Variants in MYO6 observed in about 807,000 individuals in gnomAD.
The protein encoded by MYO6 is myosin VI, also known as unconventional myosin-VI.
In MYO6, 74 loss-of-function variants were observed where a neutral mutation model predicts 178.7. The observed-to-expected ratio is 0.41, with a 90% CI of 0.34 to 0.50. The LOEUF is 0.50. MYO6 is among the 20% of genes least tolerant of loss of function. The probability of loss-of-function intolerance (pLI) is 0.09; values close to 1 mark genes in which losing one functional copy is unlikely to be tolerated. For missense variants in MYO6, 1,330 were observed against 1,547.4 expected, an observed-to-expected ratio of 0.86 and a Z score of 2.36; for synonymous variants, 477 against 504.6, an observed-to-expected ratio of 0.95 and a Z score of 0.73.
At chr6:75,840,559 T>G (rs1583242404) in intron 7 of MYO6, 26 bp from the exon 8 acceptor site, 2 of 1,496,184 alleles carry the variant, frequency 1.3e-6, no homozygotes, top group South Asian at 1.1e-5. Context: ...GCTAATTTTT[T>G]GATGGATTTT....
At chr6:75,847,585 G>T (rs1223105209) in intron 10 of MYO6, among the ~76,000 whole-genome samples, 1 of 151,896 alleles carries the variant, frequency 6.6e-6, no homozygotes, top group African/African-American at 2.4e-5. Context: ...TTTTAGGAGA[G>T]AAAACAAATT....
rs143864052 is a variant in MYO6, at chr6:75,907,626, C to T, written c.3198C>T (p.Thr1066=). ...ACAGAGGTCCTGCTGTACTAGCCAC[C>T]AAAGCAGCTGCTGGTACTAAGAAAT... ...FLSRGPAVLA[T]KAAAGTKKYD... is the part of the protein sequence containing the mutation. Residue 1066 remains threonine, a synonymous_variant, in exon 31 of 35, where the codon ACC becomes ACT. Coordinates refer to ENST00000369977, the MANE Select transcript of MYO6 (RefSeq NM_004999.4). The T allele has an allele frequency of 2.5e-5, 41 of 1,613,460 alleles. No individual in the cohort carries two copies. Among genetic ancestry groups the T allele is most frequent in the Non-Finnish European group, 3.3e-5 (39 of 1,179,702 alleles).
Position 75,866,966 on chromosome 6 carries a change from A to G in MYO6, c.1805A>G (p.His602Arg), listed in dbSNP as rs954992244. The G allele has an allele frequency of 2.5e-6, 4 of 1,614,024 alleles. No individual in the cohort carries two copies. The highest frequency in any genetic ancestry group is 3.3e-4 in the Middle Eastern group (2 of 6,056). Residue 602 changes from histidine to arginine, a missense_variant, in exon 18 of 35, where the codon CAT becomes CGT. Physicochemically the swap from His to Arg is conservative, Grantham distance 29. This residue lies in a region of MYO6 where 613 missense variants were observed against 816.8 expected (regional missense o/e 0.75). Coordinates refer to ENST00000369977, the MANE Select transcript of MYO6 (RefSeq NM_004999.4). ...GTGGAGAAAAATAATGATGCTTTAC[A>G]TATGTCTCTTGAATCCTTAATATGT... ...QFVEKNNDAL[H>R]MSLESLICES...
chr6:75,799,187 C>T (rs528173088), intron 1 of MYO6, among the ~76,000 whole-genome samples: 44 of 151,972 alleles, frequency 2.9e-4, no homozygotes, highest in African/African-American at 9.6e-4. Context: ...TCAGGAGTTC[C>T]GAGACCAGCC....
intron 1 of MYO6, among the ~76,000 whole-genome samples, chr6:75,801,586 T>C (rs1769460472): frequency 1.3e-5 from 2 of 152,174 alleles, no homozygotes. Flanking sequence ...AGTAGAATAC[T>C]GTCTTCAAAG....
Position 75,841,998 on chromosome 6 carries a change from T to G in MYO6, c.816+620T>G, listed in dbSNP as rs1774276803. Among the ~76,000 whole-genome samples, 3 of 152,332 alleles carry G rather than the reference T, an allele frequency of 2.0e-5. No homozygotes were observed. In the South Asian group the frequency reaches 6.2e-4, roughly 32 times the overall value. ...TGTAATACTAGCTTTAAAGTTACCT[T>G]TGACTTATCTGTAAAAATGTTTGAA... On this transcript the variant is annotated intron_variant, in intron 9 of 34. Transcript: ENST00000369977.
chr6:75,895,734 TC>T (rs1779251361), intron 29 of MYO6, among the ~76,000 whole-genome samples: 1 of 152,074 alleles, frequency 6.6e-6, no homozygotes, highest in African/African-American at 2.4e-5. Context: ...GCCAGGATGG[TC>T]TCAATCTCTT....
chr6:75,784,978 G>GTA (rs1161615629), intron 1 of MYO6, among the ~76,000 whole-genome samples: 2 of 152,084 alleles, frequency 1.3e-5, no homozygotes, highest in Admixed American at 6.6e-5. Flanking sequence ...TATGCTTTTA[G>GTA]TATTCAGTGC....
chr6:75,792,041 A>T (rs921015887), intron 1 of MYO6, among the ~76,000 whole-genome samples: 5 of 152,230 alleles, frequency 3.3e-5, no homozygotes, highest in African/African-American at 1.2e-4. Flanking sequence ...GCCTTGTCCT[A>T]GTGCTCTGTT....
intron 11 of MYO6, among the ~76,000 whole-genome samples, chr6:75,851,500 A>G (rs1450291997): frequency 6.6e-6 from 1 of 152,038 alleles, no homozygotes; most frequent in Non-Finnish European, 1.5e-5. Flanking sequence ...TGTCTTAGCA[A>G]TTTGAAAAAA....
chr6:75,774,873 A>G (rs1175128498), intron 1 of MYO6, among the ~76,000 whole-genome samples: 2 of 151,824 alleles, frequency 1.3e-5, no homozygotes, highest in African/African-American at 2.4e-5. Context: ...GCTCACTGCA[A>G]CCTCTTGTCT....
At chr6:75,805,019 ATAT>A (rs1211915217) in intron 1 of MYO6, among the ~76,000 whole-genome samples, 2 of 61,346 alleles carry the variant, frequency 3.3e-5, no homozygotes, top group African/African-American at 1.1e-4. Flanking sequence ...ATATATATAT[ATAT>A]TTTTTTTTTT....
chr6:75,820,655 G>A (rs1771775223), intron 2 of MYO6, among the ~76,000 whole-genome samples: 1 of 152,134 alleles, frequency 6.6e-6, no homozygotes. Context: ...ACAGGTGTGA[G>A]CCACCGCACC....
intron 19 of MYO6, among the ~76,000 whole-genome samples, 175 bp from the exon 20 acceptor site, chr6:75,873,032 C>T (rs1263249044): frequency 6.6e-6 from 1 of 152,120 alleles, no homozygotes; most frequent in East Asian, 1.9e-4. Context: ...TTTCAGCCTC[C>T]CAAAATGCTG....
intron 2 of MYO6, among the ~76,000 whole-genome samples, chr6:75,818,541 T>C (rs1771524071): frequency 1.3e-5 from 2 of 152,232 alleles, no homozygotes; most frequent in African/African-American, 4.8e-5. Context: ...TCTGACTAAA[T>C]TAAATTTTGT....
At chr6:75,822,935 A>G in intron 3 of MYO6, 84 bp downstream of exon 3, 1 of 1,066,400 alleles carries the variant, frequency 9.4e-7, no homozygotes, top group African/African-American at 1.6e-5. Context: ...TATATAACTG[A>G]TACACTGTGC....
intron 1 of MYO6, among the ~76,000 whole-genome samples, chr6:75,761,389 A>G (rs1777931585): frequency 1.3e-5 from 2 of 152,224 alleles, no homozygotes; most frequent in South Asian, 2.1e-4. Flanking sequence ...TTTAGCAACC[A>G]GGAAATATTT....
At chr6:75,845,204 A>G (rs998443156) in intron 10 of MYO6, among the ~76,000 whole-genome samples, 1 of 152,192 alleles carries the variant, frequency 6.6e-6, no homozygotes, top group African/African-American at 2.4e-5. Flanking sequence ...GCATCACTGC[A>G]TTGCTCTCCT....
chr6:75,835,803 T>C, intron 6 of MYO6, 98 bp from the exon 7 acceptor site: 1 of 724,756 alleles, frequency 1.4e-6, no homozygotes, highest in Non-Finnish European at 2.5e-6. Context: ...TTTGTTATAA[T>C]GATGATCTAG....
Sources: gnomAD v4.1 joint callset for allele counts (sites outside exome capture counted in the v4.1 genomes callset) on GRCh38, gnomAD v4.1.1 for gene constraint, gnomAD v4.1.1 regional missense constraint, MANE v1.5 for transcripts, NCBI Gene and HGNC (gene_info 2026-07-23, HGNC 2026-07-21) for gene names.